The following EYS variants were observed in gnomAD, a reference collection of about 807,000 sequenced individuals.
EYS encodes EGF-like photoreceptor maintenance factor.
Under a neutral mutation model 282.1 loss-of-function variants are expected in EYS, and 250 were observed. The observed-to-expected ratio is 0.89, with a 90% CI of 0.80 to 0.98. EYS has a LOEUF of 0.98. Ranked by LOEUF, EYS falls within the 50% of genes least tolerant of loss-of-function variation. The probability of loss-of-function intolerance (pLI) is 0.00; values close to 1 mark genes in which losing one functional copy is unlikely to be tolerated. For synonymous variants in EYS, 1,355 were observed against 1,282.9 expected (o/e 1.06, Z -1.20); for missense variants, 4,016 against 3,709.0 (o/e 1.08, Z -2.15).
intron 23 of EYS, among the ~76,000 whole-genome samples, chr6:64,618,495 T>C (rs1767344455): frequency 6.6e-6 from 1 of 152,318 alleles, no homozygotes; most frequent in Admixed American, 6.5e-5. Context: ...TCCAATAGCA[T>C]TTAATCTGAA....
At chr6:64,145,114 A>G (rs755010000) in intron 31 of EYS, among the ~76,000 whole-genome samples, 2 of 152,186 alleles carry the variant, frequency 1.3e-5, no homozygotes, top group Non-Finnish European at 2.9e-5. Flanking sequence ...ATTGAATAAG[A>G]AGCATGATTA....
At chr6:65,380,592 A>C (rs532032937) in intron 8 of EYS, among the ~76,000 whole-genome samples, 1 of 152,312 alleles carries the variant, frequency 6.6e-6, no homozygotes, top group East Asian at 1.9e-4. Flanking sequence ...CACCAAAAGC[A>C]ATTGCAACAA....
chr6:64,343,280 A>C (rs1771212311), intron 29 of EYS, among the ~76,000 whole-genome samples: 1 of 151,972 alleles, frequency 6.6e-6, no homozygotes, highest in Non-Finnish European at 1.5e-5. Flanking sequence ...CACCACACCT[A>C]TTCCAAAATT....
intron 1 of EYS, among the ~76,000 whole-genome samples, chr6:65,655,180 T>C (rs2149821735): frequency 6.6e-6 from 1 of 151,752 alleles, no homozygotes; most frequent in East Asian, 1.9e-4. Context: ...GAAAACTCAG[T>C]ATTAGAAAAA....
chr6:63,988,762 A>T (rs1256284510), intron 34 of EYS, among the ~76,000 whole-genome samples: 1 of 151,700 alleles, frequency 6.6e-6, no homozygotes, highest in Non-Finnish European at 1.5e-5. Context: ...CATGAAAATA[A>T]TAAAAAGTAT....
At chr6:65,603,431 A>G (rs1333324810) in intron 2 of EYS, among the ~76,000 whole-genome samples, 1 of 152,002 alleles carries the variant, frequency 6.6e-6, no homozygotes, top group Non-Finnish European at 1.5e-5. Context: ...ACTTTGGTGA[A>G]TGAAAACTAC....
At chr6:65,157,627 TCTAAA>T (rs1200126492) in intron 12 of EYS, among the ~76,000 whole-genome samples, 6 of 150,750 alleles carry the variant, frequency 4.0e-5, no homozygotes, top group South Asian at 4.2e-4. Flanking sequence ...AATTTAGTTC[TCTAAA>T]CTAGTCTGGG....
At chr6:64,239,801 T>G (rs945319931) in intron 30 of EYS, among the ~76,000 whole-genome samples, 2 of 152,212 alleles carry the variant, frequency 1.3e-5, no homozygotes, top group African/African-American at 4.8e-5. Flanking sequence ...GCTGTTGCTT[T>G]TGGTGTTTTA....
rs1346512098 is a variant in EYS at position 64,590,333 on chromosome 6, C to G, written c.5534G>C (p.Ser1845Thr). The G allele has an allele frequency of 6.4e-7, 1 of 1,551,096 alleles. No individual in the cohort carries two copies. The highest frequency in any genetic ancestry group is 8.7e-7 in the Non-Finnish European group (1 of 1,146,652). ...AGTGGGAAATTCCTGATATTGCACA[C>G]TAGGCTGAAGTTCCCATTTGGACCA... Reference protein sequence around the residue: ...SEWSKWELQPSVQYQEFPTAS... With the variant: ...SEWSKWELQPTVQYQEFPTAS... The change falls in exon 26 of 43, where the codon AGT becomes ACT. Residue 1845 changes from serine (S) to threonine (T), a missense_variant. Coordinates refer to ENST00000503581, the MANE Select transcript of EYS (RefSeq NM_001142800.2).
chr6:64,504,762 T>G (rs143585575), intron 26 of EYS, among the ~76,000 whole-genome samples: 2,482 of 152,118 alleles, frequency 0.016, 23 homozygotes, highest in South Asian at 0.035. Flanking sequence ...AAGTAAACAG[T>G]GAGAAAAGTT....
intron 30 of EYS, among the ~76,000 whole-genome samples, chr6:64,273,444 T>C (rs1230231268): frequency 6.6e-6 from 1 of 152,188 alleles, no homozygotes; most frequent in Non-Finnish European, 1.5e-5. Context: ...CACCTTTTTT[T>C]CTAAAATTCT....
intron 2 of EYS, among the ~76,000 whole-genome samples, chr6:65,540,896 A>T (rs1683568684): frequency 6.6e-6 from 1 of 152,142 alleles, no homozygotes; most frequent in Admixed American, 6.6e-5. Flanking sequence ...GCACACTCCA[A>T]CCTAGGCAAC....
intron 4 of EYS, among the ~76,000 whole-genome samples, chr6:65,492,002 A>G (rs895593120): frequency 6.6e-6 from 1 of 152,174 alleles, no homozygotes; most frequent in African/African-American, 2.4e-5. Context: ...AAGAAACCAT[A>G]TCTGCCAATC....
At chr6:64,384,998 G>A (rs372374847) in intron 29 of EYS, among the ~76,000 whole-genome samples, 4 of 152,090 alleles carry the variant, frequency 2.6e-5, no homozygotes, top group African/African-American at 7.2e-5. Context: ...TTTTTGGCTC[G>A]AGGAATCAAC....
intron 26 of EYS, among the ~76,000 whole-genome samples, chr6:64,462,194 T>G (rs1042922076): frequency 6.6e-6 from 1 of 152,250 alleles, no homozygotes; most frequent in African/African-American, 2.4e-5. Context: ...ATTGTGTAAC[T>G]TAAATCCTTT....
chr6:64,821,062 C>A (rs1764884822), intron 21 of EYS, among the ~76,000 whole-genome samples: 2 of 151,930 alleles, frequency 1.3e-5, no homozygotes, highest in Non-Finnish European at 2.9e-5. Context: ...TTCTCATCCA[C>A]CAAGAACGGT....
At chr6:65,594,102 G>T (rs554960191) in intron 2 of EYS, among the ~76,000 whole-genome samples, 15 of 151,960 alleles carry the variant, frequency 9.9e-5, no homozygotes, top group African/African-American at 3.6e-4. Flanking sequence ...TCTGGCAAGT[G>T]TTAGGTTATT....
At chr6:65,455,229 T>A (rs968484721) in intron 5 of EYS, among the ~76,000 whole-genome samples, 1 of 152,164 alleles carries the variant, frequency 6.6e-6, no homozygotes, top group Non-Finnish European at 1.5e-5. Context: ...CTTGGTTAAG[T>A]TGATTCTTAC....
chr6:64,729,055 G>A (rs999749013), intron 22 of EYS: 2 of 152,544 alleles, frequency 1.3e-5, no homozygotes, highest in Admixed American at 6.5e-5. Flanking sequence ...TCTGCTGATG[G>A]AGCCTGGGGT....
Sources: gnomAD v4.1 joint callset for allele counts (sites outside exome capture counted in the v4.1 genomes callset) on GRCh38, gnomAD v4.1.1 for gene constraint, MANE v1.5 for transcripts, NCBI Gene and HGNC (gene_info 2026-07-23, HGNC 2026-07-21) for gene names.